The following CSMD1 variants were observed in gnomAD, a reference collection of about 807,000 sequenced individuals.
CSMD1 encodes CUB and sushi domain-containing protein 1.
A neutral mutation model predicts 417.5 loss-of-function variants in CSMD1; 213 were observed. The ratio of observed to expected loss-of-function variants is 0.51; its 90% CI spans 0.46 to 0.57. The LOEUF is 0.57. CSMD1 is among the 20% of genes least tolerant of loss of function. The probability of loss-of-function intolerance (pLI) is 0.00; values close to 1 mark genes in which losing one functional copy is unlikely to be tolerated. For missense variants in CSMD1, 6,923 were observed against 4,529.7 expected (o/e 1.53, Z -15.17); for synonymous variants, 2,862 against 1,736.8 (o/e 1.65, Z -16.11).
intron 5 of CSMD1, among the ~76,000 whole-genome samples, chr8:3,945,463 G>T (rs1461804826): frequency 6.6e-6 from 1 of 151,904 alleles, no homozygotes; most frequent in Non-Finnish European, 1.5e-5. Flanking sequence ...CTTTTCAATT[G>T]TTTTCTTAGT....
At chr8:4,629,570 C>T (rs573972277) in intron 2 of CSMD1, among the ~76,000 whole-genome samples, 114 of 152,024 alleles carry the variant, frequency 7.5e-4, no homozygotes, top group Non-Finnish European at 8.1e-4. Context: ...TGTCGTTTGC[C>T]TTTTGAATGT....
At chr8:4,715,644 C>G (rs772426528) in intron 1 of CSMD1, among the ~76,000 whole-genome samples, 50 of 152,282 alleles carry the variant, frequency 3.3e-4, no homozygotes, top group Middle Eastern at 3.4e-3. Context: ...CCTTCAAAAT[C>G]ATTTCTCTTC....
At chr8:3,706,162 G>A (rs1478699835) in intron 7 of CSMD1, among the ~76,000 whole-genome samples, 4 of 152,226 alleles carry the variant, frequency 2.6e-5, no homozygotes, top group East Asian at 3.9e-4. Flanking sequence ...CTCCTAAGGT[G>A]AACAGAATGC....
intron 5 of CSMD1, chr8:3,950,005 G>A (rs779871510): frequency 2.4e-5 from 11 of 455,768 alleles, no homozygotes; most frequent in South Asian, 7.7e-5. Flanking sequence ...CACTACATTT[G>A]CCAGGGTCCA....
chr8:4,829,333 A>C (rs76064585), intron 1 of CSMD1, among the ~76,000 whole-genome samples: 1,716 of 152,308 alleles, frequency 0.011, 30 homozygotes, highest in African/African-American at 0.039. Flanking sequence ...GTTTTCATTT[A>C]ACCTACATTA....
chr8:4,859,408 T>G (rs1226702026), intron 1 of CSMD1, among the ~76,000 whole-genome samples: 1 of 151,936 alleles, frequency 6.6e-6, no homozygotes, highest in Non-Finnish European at 1.5e-5. Context: ...AAGAAAAAAT[T>G]GACAAATGGG....
rs142613828 is a variant in CSMD1, at chr8:3,513,653, C to G, written c.1345-19927G>C. 5.4e-3 allele frequency among the ~76,000 whole-genome samples: 828 copies of G among 152,300 alleles called. 6 individuals are homozygous for G. The highest frequency in any genetic ancestry group is 8.0e-3 in the Non-Finnish European group (546 of 68,026). On this transcript the variant is annotated intron_variant, in intron 10 of 69. Coordinates refer to ENST00000635120, the MANE Select transcript of CSMD1 (RefSeq NM_033225.6). Reference sequence around the variant, plus strand: ...CTCTGCCACCATCATCTAAGACAGTCTACCAGCCAATATGCCAGCAGGTCC... The same window carrying G: ...CTCTGCCACCATCATCTAAGACAGTGTACCAGCCAATATGCCAGCAGGTCC...
At chr8:4,078,523 C>G (rs1292668832) in intron 3 of CSMD1, among the ~76,000 whole-genome samples, 2 of 151,910 alleles carry the variant, frequency 1.3e-5, no homozygotes, top group East Asian at 3.9e-4. Context: ...CTCGGCCTCC[C>G]AAAGTGCTGG....
chr8:3,839,045 T>A (rs1393914763), intron 5 of CSMD1, among the ~76,000 whole-genome samples: 1 of 127,870 alleles, frequency 7.8e-6, no homozygotes, highest in East Asian at 2.2e-4. Context: ...TTATTATATA[T>A]ATAAAATATA....
At chr8:3,290,762 C>T (rs991906918) in intron 25 of CSMD1, among the ~76,000 whole-genome samples, 5 of 146,852 alleles carry the variant, frequency 3.4e-5, no homozygotes, top group Admixed American at 6.7e-5. Context: ...ACAATCATGT[C>T]ATCTGCCAAC....
chr8:3,345,128 G>C (rs567352725), intron 22 of CSMD1, among the ~76,000 whole-genome samples: 1 of 152,162 alleles, frequency 6.6e-6, no homozygotes, highest in Non-Finnish European at 1.5e-5. Context: ...AAATACGAAA[G>C]AACTAGACAC....
intron 33 of CSMD1, among the ~76,000 whole-genome samples, chr8:3,194,335 T>C (rs1030966708): frequency 1.6e-4 from 25 of 152,168 alleles, no homozygotes; most frequent in African/African-American, 4.8e-4. Flanking sequence ...ATGTACATCT[T>C]TCCTACCCAA....
At chr8:4,141,782 A>C (rs549304800) in intron 3 of CSMD1, among the ~76,000 whole-genome samples, 1 of 151,332 alleles carries the variant, frequency 6.6e-6, no homozygotes, top group East Asian at 1.9e-4. Flanking sequence ...CAGAAGTGAA[A>C]CATATTGTGA....
chr8:3,609,904 C>T (rs1033309312), intron 8 of CSMD1, among the ~76,000 whole-genome samples: 3 of 128,550 alleles, frequency 2.3e-5, no homozygotes, highest in Non-Finnish European at 3.1e-5. Flanking sequence ...TGGGTTCAAA[C>T]GATTCTCCTG....
intron 12 of CSMD1, among the ~76,000 whole-genome samples, chr8:3,423,655 G>A (rs1021542858): frequency 1.3e-5 from 2 of 152,190 alleles, no homozygotes; most frequent in Non-Finnish European, 2.9e-5. Context: ...CATTTGGGTT[G>A]TTTCCAGTTT....
intron 10 of CSMD1, among the ~76,000 whole-genome samples, chr8:3,536,257 A>T (rs183847443): frequency 2.6e-5 from 4 of 152,354 alleles, no homozygotes; most frequent in African/African-American, 9.6e-5. Context: ...AGCTGAGTTA[A>T]TAAGTTTGTG....
intron 1 of CSMD1, among the ~76,000 whole-genome samples, chr8:4,828,300 A>G (rs1189844582): frequency 6.6e-6 from 1 of 152,208 alleles, no homozygotes. Flanking sequence ...AATTATGTCA[A>G]CAAATGTGCT....
At chr8:3,950,783 G>T (rs1447228730) in intron 5 of CSMD1, among the ~76,000 whole-genome samples, 2 of 152,006 alleles carry the variant, frequency 1.3e-5, no homozygotes, top group African/African-American at 4.8e-5. Context: ...ACAGTACATG[G>T]TATAAACATA....
At chr8:4,391,911 A>C (rs1450885203) in intron 3 of CSMD1, among the ~76,000 whole-genome samples, 1 of 152,210 alleles carries the variant, frequency 6.6e-6, no homozygotes, top group Non-Finnish European at 1.5e-5. Flanking sequence ...CAGATGTCTT[A>C]GAACCCTGAG....
Sources: allele counts gnomAD v4.1 joint callset (sites outside exome capture counted in the v4.1 genomes callset), GRCh38; gene constraint gnomAD v4.1.1; transcripts MANE v1.5; gene names NCBI Gene and HGNC (gene_info 2026-07-23, HGNC 2026-07-21).